Variants in PBX3 observed in about 807,000 individuals in gnomAD.
PBX3 encodes the protein pre-B-cell leukemia transcription factor 3.
A neutral mutation model predicts 48.5 loss-of-function variants in PBX3; 14 were observed. That is an observed-to-expected ratio of 0.29 (90% CI 0.19 to 0.45). The LOEUF (loss-of-function observed/expected upper bound fraction) is 0.45, where lower values mean the gene tolerates loss of function less well. Ranked by LOEUF, PBX3 falls within the 20% of genes least tolerant of loss-of-function variation. The pLI is 1.00. For missense variants in PBX3, 386 were observed against 546.7 expected, an observed-to-expected ratio of 0.71 and a Z score of 2.93; for synonymous variants, 210 against 200.3, an observed-to-expected ratio of 1.05 and a Z score of -0.41.
chr9:125,883,197 G>A (rs745992744), intron 2 of PBX3, among the ~76,000 whole-genome samples: 3 of 152,020 alleles, frequency 2.0e-5, no homozygotes, highest in Non-Finnish European at 4.4e-5. Context: ...ATTCAAACAC[G>A]GTAAACTTAG....
intron 2 of PBX3, among the ~76,000 whole-genome samples, chr9:125,806,117 C>T (rs762195966): frequency 6.6e-5 from 10 of 152,006 alleles, no homozygotes; most frequent in Non-Finnish European, 1.5e-4. Context: ...TAGAGACCAG[C>T]CTTACTTGAG....
intron 2 of PBX3, among the ~76,000 whole-genome samples, chr9:125,817,032 A>G (rs1588177096): frequency 6.6e-6 from 1 of 152,182 alleles, no homozygotes; most frequent in African/African-American, 2.4e-5. Flanking sequence ...AAAAGGTGAA[A>G]CAATTTTTTT....
At chr9:125,764,728 T>G (rs1836758577) in intron 2 of PBX3, among the ~76,000 whole-genome samples, 1 of 152,208 alleles carries the variant, frequency 6.6e-6, no homozygotes, top group African/African-American at 2.4e-5. Flanking sequence ...AGATCATTGC[T>G]TAGAGTTGCC....
intron 2 of PBX3, among the ~76,000 whole-genome samples, chr9:125,876,738 G>A (rs2132336803): frequency 6.6e-6 from 1 of 151,840 alleles, no homozygotes. Context: ...TGCGTTAAGG[G>A]TCAGCTGTAT....
At chr9:125,853,538 G>A (rs76181099) in intron 2 of PBX3, among the ~76,000 whole-genome samples, 5,865 of 152,162 alleles carry the variant, frequency 0.039, 332 homozygotes, top group African/African-American at 0.12. Context: ...TAGCTGACCC[G>A]GGATGCCACA....
chr9:125,949,731 G>A (rs576096558), intron 5 of PBX3, among the ~76,000 whole-genome samples: 2 of 152,196 alleles, frequency 1.3e-5, no homozygotes, highest in Non-Finnish European at 2.9e-5. Flanking sequence ...GAATAAATAA[G>A]CGTTTCCCTT....
chr9:125,865,562 T>A (rs1244475368), intron 2 of PBX3, among the ~76,000 whole-genome samples: 1 of 152,220 alleles, frequency 6.6e-6, no homozygotes, highest in Admixed American at 6.5e-5. Context: ...ATCTGGATGT[T>A]TCTGGTCTCT....
intron 2 of PBX3, among the ~76,000 whole-genome samples, chr9:125,801,570 C>T (rs1447069418): frequency 1.3e-5 from 2 of 152,242 alleles, no homozygotes; most frequent in South Asian, 2.1e-4. Context: ...TAAGAAAATG[C>T]TGTTCCTGAT....
At chr9:125,808,554 G>A (rs1306970640) in intron 2 of PBX3, among the ~76,000 whole-genome samples, 1 of 152,048 alleles carries the variant, frequency 6.6e-6, no homozygotes, top group Non-Finnish European at 1.5e-5. Flanking sequence ...TGGTCTTAGC[G>A]AGGCAATAGG....
intron 2 of PBX3, among the ~76,000 whole-genome samples, chr9:125,781,559 G>T (rs1453836319): frequency 7.9e-6 from 1 of 127,248 alleles, no homozygotes; most frequent in Admixed American, 8.7e-5. Flanking sequence ...GGGGAGAGGG[G>T]AGAGGCGAGA....
At chr9:125,841,032 T>TGCGC (rs1267252474) in intron 2 of PBX3, among the ~76,000 whole-genome samples, 6 of 152,286 alleles carry the variant, frequency 3.9e-5, no homozygotes, top group African/African-American at 1.4e-4. Flanking sequence ...TCTTAAATTA[T>TGCGC]TATGTACTAA....
intron 4 of PBX3, among the ~76,000 whole-genome samples, chr9:125,933,864 A>G (rs763816174): frequency 1.3e-5 from 2 of 152,168 alleles, no homozygotes; most frequent in Non-Finnish European, 2.9e-5. Flanking sequence ...CATTTTCAGT[A>G]TCTAGTCTAG....
intron 2 of PBX3, among the ~76,000 whole-genome samples, chr9:125,871,985 A>G (rs1395771366): frequency 1.3e-5 from 2 of 152,176 alleles, no homozygotes; most frequent in African/African-American, 4.8e-5. Flanking sequence ...CTTTCTGTGT[A>G]TATATCTTAT....
chr9:125,816,375 C>T (rs1838463992), intron 2 of PBX3, among the ~76,000 whole-genome samples: 1 of 152,212 alleles, frequency 6.6e-6, no homozygotes, highest in African/African-American at 2.4e-5. Flanking sequence ...ATTAAACATA[C>T]ATACTCAGTC....
chr9:125,915,303 C>G (rs1429233024), intron 2 of PBX3, among the ~76,000 whole-genome samples: 1 of 151,902 alleles, frequency 6.6e-6, no homozygotes, highest in Non-Finnish European at 1.5e-5. Context: ...GTTTTATATC[C>G]CTGTAATTAT....
chr9:125,889,434 T>C (rs1840581846), intron 2 of PBX3, among the ~76,000 whole-genome samples: 1 of 152,132 alleles, frequency 6.6e-6, no homozygotes, highest in South Asian at 2.1e-4. Flanking sequence ...TCCTAAAGGA[T>C]CTAGAACGAT....
chr9:125,852,600 G>T (rs1488426997), intron 2 of PBX3, among the ~76,000 whole-genome samples: 1 of 152,170 alleles, frequency 6.6e-6, no homozygotes, highest in East Asian at 1.9e-4. Context: ...GCACATCAAG[G>T]AGAGCTTGGT....
intron 2 of PBX3, among the ~76,000 whole-genome samples, chr9:125,861,246 C>T (rs141853986): frequency 2.6e-5 from 4 of 152,064 alleles, no homozygotes; most frequent in African/African-American, 9.6e-5. Flanking sequence ...AAGCAGTGAG[C>T]CGTGATTGAG....
chr9:125,770,418 C>T (rs974828168), intron 2 of PBX3, among the ~76,000 whole-genome samples: 1 of 152,064 alleles, frequency 6.6e-6, no homozygotes, highest in African/African-American at 2.4e-5. Flanking sequence ...AGTACTTAGG[C>T]ATTAAAATAT....
Sources: gnomAD v4.1 joint callset for allele counts (sites outside exome capture counted in the v4.1 genomes callset) on GRCh38, gnomAD v4.1.1 for gene constraint, MANE v1.5 for transcripts, NCBI Gene and HGNC (gene_info 2026-07-23, HGNC 2026-07-21) for gene names.